RPL10A: variants seen among roughly 807,000 people sequenced by gnomAD.
RPL10A encodes ribosomal protein L10a.
RPL10A carries 11 observed loss-of-function variants against 24.6 expected under a neutral mutation model. The observed-to-expected ratio is 0.45, with a 90% CI of 0.28 to 0.74. The LOEUF (loss-of-function observed/expected upper bound fraction) is 0.74. RPL10A is among the 30% of genes least tolerant of loss of function. RPL10A has a pLI of 0.13. For synonymous variants in RPL10A, 98 were observed against 108.5 expected (o/e 0.90, Z 0.60); for missense variants, 136 against 273.1 (o/e 0.50, Z 3.54).
chr6:35,468,546 C>T, intron 1 of RPL10A, 107 bp downstream of exon 1: 1 of 1,606,822 alleles, frequency 6.2e-7, no homozygotes, highest in Non-Finnish European at 8.5e-7. Context: ...CCACCTGCGC[C>T]GCGGGGCATT....
rs749618962 is a variant in RPL10A at position 35,470,128 on chromosome 6, G to C, written c.311-51G>C. 6.4e-7 allele frequency: 1 copy of C among 1,564,394 alleles called. No individual in the cohort carries two copies. The highest frequency in any genetic ancestry group is 8.7e-7 in the Non-Finnish European group (1 of 1,144,804). Reference sequence around the variant, plus strand: ...TTCTGGCCTGCCACATTTGAGGTGTGCCTTGGTGACCAGGTTCTAAGCAAT... The same window carrying C: ...TTCTGGCCTGCCACATTTGAGGTGTCCCTTGGTGACCAGGTTCTAAGCAAT... On this transcript the variant is annotated intron_variant, in intron 4 of 5. Coordinates refer to ENST00000322203, the MANE Select transcript of RPL10A (RefSeq NM_007104.5). The surrounding 1 kb of genome is among the most constrained non-coding windows in gnomAD (Gnocchi z 4.6).
chr6:35,468,536 C>G, intron 1 of RPL10A, 97 bp downstream of exon 1: 1 of 1,608,620 alleles, frequency 6.2e-7, no homozygotes, highest in East Asian at 2.2e-5. Flanking sequence ...GACCCTTGCG[C>G]CACCTGCGCC....
rs1768020249 is a variant in RPL10A at position 35,470,740 on chromosome 6, G to C, written c.644G>C (p.Arg215Pro). The C allele has an allele frequency of 6.2e-7, 1 of 1,602,208 alleles. No individual in the cohort carries two copies. Among genetic ancestry groups the C allele is most frequent in the South Asian group, 1.1e-5 (1 of 91,072 alleles). The change falls in exon 6 of 6, where the codon CGC (arginine) becomes CCC (proline). Residue 215 changes from arginine (R) to proline (P), a missense_variant. By Grantham distance (103) the Arg-to-Pro change is moderately radical. Coordinates refer to ENST00000322203, the MANE Select transcript of RPL10A (RefSeq NM_007104.5). This position sits in a 1 kb window ranked among gnomAD's most constrained non-coding sequence, Gnocchi z 4.6. ...AAGAGCACCATGGGCAAGCCCCAGC[G>C]CCTATATTAAGGCACATTTGAATAA... ...YIKSTMGKPQ[R>P]LY
At position 35,468,870 on chromosome 6, in the gene RPL10A, G is replaced by T; in HGVS notation, c.77G>T (p.Arg26Leu). 6.2e-7 allele frequency: 1 copy of T among 1,612,742 alleles called. No individual in the cohort carries two copies. The highest frequency in any genetic ancestry group is 8.5e-7 in the Non-Finnish European group (1 of 1,179,438). The change falls in exon 2 of 6, where the codon CGC becomes CTC. Residue 26 changes from arginine to leucine, a missense_variant. By Grantham distance (102) the Arg-to-Leu change is moderately radical. Around this residue, in one of 3 missense-constraint regions of RPL10A, gnomAD observed 88 missense variants for 149.2 expected, o/e 0.59. Transcript: ENST00000322203. ...CTGCACGGGAACCAGCGCAAGCGCC[G>T]CAAGTGAGTGCCGACCCTGGGGCAC... The part of the protein sequence containing the change: ...EVLHGNQRKR[R>L]KFLETVELQI...
chr6:35,468,452 T>C lies in RPL10A; in HGVS notation c.5+13T>C, dbSNP rs765658864. On this transcript the variant is annotated intron_variant, in intron 1 of 5. Transcript: ENST00000322203. ...GAGAAGCCATGAGGTGAGTTGGTCC[T>C]GAAAGCCCTATCCGCGTTCATCCGC... 1.9e-5 allele frequency: 30 copies of C among 1,613,888 alleles called. No homozygotes were observed. The highest frequency in any genetic ancestry group is 1.6e-4 in the African/African-American group (12 of 74,938).
In RPL10A at chr6:35,470,025, G is replaced by A. The variant is rs1031701086; in HGVS notation, c.311-154G>A. 2.0e-5 allele frequency among the ~76,000 whole-genome samples: 3 copies of A among 151,866 alleles called. No individual in the cohort carries two copies. The highest frequency in any genetic ancestry group is 7.3e-5 in the African/African-American group (3 of 41,208). On this transcript the variant is annotated intron_variant, in intron 4 of 5. Coordinates refer to ENST00000322203, the MANE Select transcript of RPL10A (RefSeq NM_007104.5). This position sits in a 1 kb window ranked among gnomAD's most constrained non-coding sequence, Gnocchi z 4.6. ...CCAGAGGACTTTCTGGAAACCGTTT[G>A]GGCTAGGGAAAAGACTGAGGCGGGG...
intron 2 of RPL10A, 22 bp downstream of exon 2, chr6:35,468,895 C>T (rs773650413): frequency 3.7e-6 from 6 of 1,613,198 alleles, no homozygotes; most frequent in South Asian, 3.3e-5. Context: ...CCCTGGGGCA[C>T]GGCGCGGGTG....
chr6:35,468,892 G>A lies in RPL10A; in HGVS notation c.80+19G>A, dbSNP rs1191703306. The A allele has an allele frequency of 1.1e-5, 18 of 1,613,204 alleles. No individual in the cohort carries two copies. In the South Asian group the frequency reaches 1.9e-4, roughly 17 times the overall value. On this transcript the variant is annotated intron_variant, in intron 2 of 5. Coordinates refer to ENST00000322203, the MANE Select transcript of RPL10A (RefSeq NM_007104.5). ...GCCGCAAGTGAGTGCCGACCCTGGG[G>A]CACGGCGCGGGTGGCGAGGGCCGGC...
At position 35,469,440 on chromosome 6, in the gene RPL10A, G is replaced by A; in HGVS notation, c.221G>A (p.Cys74Tyr). 1 of 1,613,388 alleles carries A rather than the reference G, an allele frequency of 6.2e-7. No homozygotes were observed. The change falls in exon 4 of 6, where the codon TGT becomes TAT. Residue 74 changes from cysteine (C) to tyrosine (Y), a missense_variant. Physicochemically the swap from Cys to Tyr is radical, Grantham distance 194. Coordinates refer to ENST00000322203, the MANE Select transcript of RPL10A (RefSeq NM_007104.5). Reference sequence around the variant, plus strand: ...TGTGTCCTGGGGGACCAGCAGCACTGTGACGAGGCTAAGGCCGTGGATATC... The same window carrying A: ...TGTGTCCTGGGGGACCAGCAGCACTATGACGAGGCTAAGGCCGTGGATATC... ...SVCVLGDQQH[C>Y]DEAKAVDIPH...
Position 35,470,437 on chromosome 6 carries a change from AC to A in RPL10A, c.483+89del, listed in dbSNP as rs1160658049. 1 of 1,519,216 alleles carries A rather than the reference AC, an allele frequency of 6.6e-7. No homozygotes were observed. Among genetic ancestry groups the A allele is most frequent in the African/African-American group, 1.4e-5 (1 of 72,724 alleles). 94.1% of individuals were successfully genotyped at this position (1,519,216 alleles called of 1,614,324 possible). ...AGTCTCTAAATATGCCAGTAAGAGC[AC>A]CCACCAGGATTGAAACTTTTGGAGT... On this transcript the variant is annotated intron_variant, in intron 5 of 5. Transcript: ENST00000322203. This position sits in a 1 kb window ranked among gnomAD's most constrained non-coding sequence, Gnocchi z 4.6.
At chr6:35,469,286 G>T in intron 3 of RPL10A, 95 bp from the exon 4 acceptor site, 1 of 1,510,256 alleles carries the variant, frequency 6.6e-7, no homozygotes, top group Admixed American at 2.3e-5. Context: ...AACGCTCCGG[G>T]TAAGGCTCGG....
chr6:35,470,328 A>G lies in RPL10A; in HGVS notation c.460A>G (p.Thr154Ala). 1 of 1,602,864 alleles carries G rather than the reference A, an allele frequency of 6.2e-7. No homozygotes were observed. The highest frequency in any genetic ancestry group is 8.5e-7 in the Non-Finnish European group (1 of 1,179,662). The change falls in exon 5 of 6, where the codon ACA becomes GCA. Residue 154 changes from threonine to alanine, a missense_variant. By Grantham distance (58) the Thr-to-Ala change is moderately conservative. Transcript: ENST00000322203. The surrounding 1 kb of genome is among the most constrained non-coding windows in gnomAD (Gnocchi z 4.6). ...MVAKVDEVKSTIKFQMKKVLC... is the reference protein window; with the variant it reads ...MVAKVDEVKSAIKFQMKKVLC... ...GGCCAAAGTGGATGAGGTGAAGTCC[A>G]CAATCAAGTTCCAAATGAAGAAGGT...
At position 35,469,149 on chromosome 6, in the gene RPL10A, C is replaced by A. The variant is rs1346951812; in HGVS notation, c.161+122C>A. The A allele has an allele frequency of 1.1e-5, 17 of 1,487,504 alleles. No homozygotes were observed. The East Asian group carries it at 3.9e-4, about 34-fold the overall frequency. The allele number at this position is 1,487,504 out of a possible 1,614,324, so 92.1% of individuals were successfully genotyped here. On this transcript the variant is annotated intron_variant, in intron 3 of 5. Coordinates refer to ENST00000322203, the MANE Select transcript of RPL10A (RefSeq NM_007104.5). The stretch of plus-strand genomic sequence containing the variant: ...GATGTGCTAGGGTAGTTCAGACCCC[C>A]TGCTCCGGGCAGGCGCGGCTGGACG...
chr6:35,469,071 C>G (rs1767960263), intron 3 of RPL10A, 44 bp downstream of exon 3: 1 of 1,606,004 alleles, frequency 6.2e-7, no homozygotes, highest in Admixed American at 1.7e-5. Flanking sequence ...TGCCCCCGTG[C>G]TTGCCCCTCC....
At position 35,469,341 on chromosome 6, in the gene RPL10A, G is replaced by A. The variant is rs531380069; in HGVS notation, c.162-40G>A. 4 of 1,555,072 alleles carry A rather than the reference G, an allele frequency of 2.6e-6. No homozygotes were observed. In the South Asian group the frequency reaches 4.9e-5, roughly 19 times the overall value. On this transcript the variant is annotated intron_variant, in intron 3 of 5. Transcript: ENST00000322203. ...CCCTTCACCGGCCCTTGGGACCCAG[G>A]GCTAGGCGTAACCTGTTGGTGCTGT... is the stretch of plus-strand genomic sequence containing the variant.
Position 35,470,594 on chromosome 6 carries a change from T to C in RPL10A, c.498T>C (p.Ala166=). 1 of 1,613,960 alleles carries C rather than the reference T, an allele frequency of 6.2e-7. No homozygotes were observed. The highest frequency in any genetic ancestry group is 1.3e-5 in the African/African-American group (1 of 75,044). The change falls in exon 6 of 6, where the codon GCT becomes GCC. Residue 166 remains alanine, a synonymous_variant. Transcript: ENST00000322203. The surrounding 1 kb of genome is among the most constrained non-coding windows in gnomAD (Gnocchi z 4.6). ...KFQMKKVLCL[A]VAVGHVKMTD... is the part of the protein sequence containing the mutation. The stretch of plus-strand genomic sequence containing the variant: ...CCTCCTCCCAGGTGTTATGTCTGGC[T>C]GTAGCTGTTGGTCACGTGAAGATGA...
chr6:35,470,510 G>T lies in RPL10A; in HGVS notation c.484-70G>T. On this transcript the variant is annotated intron_variant, in intron 5 of 5. Transcript: ENST00000322203. The surrounding 1 kb of genome is among the most constrained non-coding windows in gnomAD (Gnocchi z 4.6). ...CCAAGTACCTGCTCACCAGGCCACTGGGGGAGGAAGGACAGGCCATCTGCT... is the reference window on the plus strand; with the variant it reads ...CCAAGTACCTGCTCACCAGGCCACTTGGGGAGGAAGGACAGGCCATCTGCT... 2 of 1,530,254 alleles carry T rather than the reference G, an allele frequency of 1.3e-6. No homozygotes were observed. Among genetic ancestry groups the T allele is most frequent in the Non-Finnish European group, 1.8e-6 (2 of 1,116,294 alleles). The allele number at this position is 1,530,254 out of a possible 1,614,324, so 94.8% of individuals were successfully genotyped here.
rs896178392 is a variant in RPL10A, at chr6:35,468,936, C to T, written c.81-11C>T. 2.5e-6 allele frequency: 4 copies of T among 1,613,964 alleles called. No individual in the cohort carries two copies. The highest frequency in any genetic ancestry group is 3.4e-6 in the Non-Finnish European group (4 of 1,179,916). On this transcript the variant is annotated splice_polypyrimidine_tract_variant and intron_variant, in intron 2 of 5. Coordinates refer to ENST00000322203, the MANE Select transcript of RPL10A (RefSeq NM_007104.5). ...GGCCGGCGGGTGCTTAACCCCCCTC[C>T]TCTCTCGAAGGTTCCTGGAGACGGT... is the stretch of plus-strand genomic sequence containing the variant.
chr6:35,470,462 G>T lies in RPL10A; in HGVS notation c.483+111G>T, dbSNP rs745862475. 7.6e-5 allele frequency: 114 copies of T among 1,495,148 alleles called. 1 individual carries two copies. The East Asian group carries it at 2.5e-3, about 33-fold the overall frequency. The allele number at this position is 1,495,148 out of a possible 1,614,324, so 92.6% of individuals were successfully genotyped here. ...ACCCACCAGGATTGAAACTTTTGGA[G>T]TAACCCTGGTCTTGGCCCGGGTCCA... is the stretch of plus-strand genomic sequence containing the variant. On this transcript the variant is annotated intron_variant, in intron 5 of 5. Transcript: ENST00000322203. The surrounding 1 kb of genome is among the most constrained non-coding windows in gnomAD (Gnocchi z 4.6).
Sources: allele counts gnomAD v4.1 joint callset (sites outside exome capture counted in the v4.1 genomes callset), GRCh38; gene constraint gnomAD v4.1.1; regional missense constraint gnomAD v4.1.1; non-coding constraint Gnocchi (gnomAD v3.1); transcripts MANE v1.5; gene names NCBI Gene and HGNC (gene_info 2026-07-23, HGNC 2026-07-21).